IRAK1BP1: variants seen among roughly 807,000 people sequenced by gnomAD.
IRAK1BP1 encodes interleukin 1 receptor associated kinase 1 binding protein 1.
In IRAK1BP1, 24 loss-of-function variants were observed where a neutral mutation model predicts 28.0. The ratio of observed to expected loss-of-function variants is 0.86; its 90% confidence interval spans 0.62 to 1.20. The LOEUF (loss-of-function observed/expected upper bound fraction) is 1.20, where lower values mean the gene tolerates loss of function less well. Ranked by LOEUF, IRAK1BP1 falls within the 50% of genes most tolerant of loss-of-function variation. IRAK1BP1 has a pLI of 0.00. For synonymous variants in IRAK1BP1, 131 were observed against 116.3 expected, an observed-to-expected ratio of 1.13 and a Z score of -0.81; for missense variants, 336 against 316.7, an observed-to-expected ratio of 1.06 and a Z score of -0.46.
chr6:78,906,315 C>T (rs1772259559), downstream of IRAK1BP1, among the ~76,000 whole-genome samples: 1 of 151,908 alleles, frequency 6.6e-6, no homozygotes, highest in African/African-American at 2.4e-5. Context: ...AGATTGAGGT[C>T]ACTTTTTCAT....
Position 78,902,855 on chromosome 6 carries a change from C to T in IRAK1BP1, c.*4521C>T, listed in dbSNP as rs1772152541. 5 of 600,526 alleles carry T rather than the reference C, an allele frequency of 8.3e-6. No homozygotes were observed. The South Asian group carries it at 1.0e-4, about 12-fold the overall frequency. 37.2% of individuals were successfully genotyped at this position (600,526 alleles called of 1,614,324 possible). On this transcript the variant is annotated 3_prime_UTR_variant, in exon 4 of 4. Coordinates refer to ENST00000369940, the MANE Select transcript of IRAK1BP1 (RefSeq NM_001010844.4). ...CAGTATCTTACAAGACTGTAGTTCA[C>T]AGTGGGTAATTCAAATCAGACACTG...
intron 4 of IRAK1BP1, chr6:78,938,871 G>A (rs1448948582): frequency 1.3e-5 from 2 of 151,478 alleles, no homozygotes; most frequent in South Asian, 2.1e-4. Flanking sequence ...CATTCTTCAC[G>A]ACAGTTAAAT....
At chr6:78,910,784 C>A (rs975639096) in intron 4 of IRAK1BP1, among the ~76,000 whole-genome samples, 2 of 152,236 alleles carry the variant, frequency 1.3e-5, no homozygotes, top group Non-Finnish European at 2.9e-5. Flanking sequence ...GACACGCACA[C>A]CCTCCCGACC....
intron 4 of IRAK1BP1, among the ~76,000 whole-genome samples, chr6:78,914,671 A>G (rs1026956463): frequency 6.6e-6 from 1 of 152,232 alleles, no homozygotes; most frequent in African/African-American, 2.4e-5. Flanking sequence ...ATTGCTAGAA[A>G]GATTTCCAGT....
chr6:78,975,421 T>A, the IRAK1BP1 span, among the ~76,000 whole-genome samples: 2 of 152,218 alleles, frequency 1.3e-5, no homozygotes, highest in Non-Finnish European at 2.9e-5. Flanking sequence ...AATATCATAC[T>A]GAATGGGCAA....
In IRAK1BP1 at chr6:78,868,005, T is replaced by G. The variant is rs901015090; in HGVS notation, c.315+114T>G. The G allele has an allele frequency of 1.0e-5, 12 of 1,153,164 alleles. No individual in the cohort carries two copies. In the Admixed American group the frequency reaches 1.2e-4, roughly 11 times the overall value. 71.4% of individuals were successfully genotyped at this position (1,153,164 alleles called of 1,614,324 possible). On this transcript the variant is annotated intron_variant, in intron 1 of 3. Coordinates refer to ENST00000369940, the MANE Select transcript of IRAK1BP1 (RefSeq NM_001010844.4). ...GGGAGATGTGGAGGGTCTGGAGCGTTTAGGACGCGTTTGTTGCAAAGGTAC... is the reference window on the plus strand; with the variant it reads ...GGGAGATGTGGAGGGTCTGGAGCGTGTAGGACGCGTTTGTTGCAAAGGTAC...
intron 4 of IRAK1BP1, among the ~76,000 whole-genome samples, chr6:78,908,446 TCAAG>T (rs1202896298): frequency 6.6e-6 from 1 of 152,086 alleles, no homozygotes; most frequent in African/African-American, 2.4e-5. Flanking sequence ...AACACCAGAC[TCAAG>T]TGATCTTCCT....
chr6:78,878,366 G>C (rs1771090217), intron 1 of IRAK1BP1, among the ~76,000 whole-genome samples: 1 of 152,200 alleles, frequency 6.6e-6, no homozygotes, highest in Admixed American at 6.5e-5. Context: ...AGCCTCCGCT[G>C]CTGATACCCA....
chr6:78,949,396 CT>C (rs1181328212), downstream of IRAK1BP1, among the ~76,000 whole-genome samples: 2 of 152,130 alleles, frequency 1.3e-5, no homozygotes, highest in Non-Finnish European at 2.9e-5. Context: ...CCACAATCAG[CT>C]CCTTTTCTCA....
At chr6:78,930,798 G>A (rs1437587146) in intron 4 of IRAK1BP1, among the ~76,000 whole-genome samples, 2 of 151,906 alleles carry the variant, frequency 1.3e-5, no homozygotes, top group African/African-American at 4.8e-5. Flanking sequence ...TGGTTGAGGT[G>A]GTGAGCGCTT....
At chr6:78,897,472 A>G (rs1771931159) in intron 2 of IRAK1BP1, among the ~76,000 whole-genome samples, 1 of 152,170 alleles carries the variant, frequency 6.6e-6, no homozygotes, top group African/African-American at 2.4e-5. Flanking sequence ...CATGATTACT[A>G]CTAATCAGGA....
the IRAK1BP1 span, chr6:78,954,700 TA>T: frequency 1.5e-6 from 1 of 680,934 alleles, no homozygotes; most frequent in South Asian, 2.1e-5. Context: ...AGAACATGTA[TA>T]AAATAATAAA....
At chr6:78,896,740 A>G (rs898087530) in intron 2 of IRAK1BP1, among the ~76,000 whole-genome samples, 16 of 151,830 alleles carry the variant, frequency 1.1e-4, no homozygotes, top group African/African-American at 3.4e-4. Context: ...CAGGAGGATC[A>G]TCTGAACCCA....
At chr6:78,969,245 G>C in the IRAK1BP1 span, among the ~76,000 whole-genome samples, 1 of 152,116 alleles carries the variant, frequency 6.6e-6, no homozygotes, top group South Asian at 2.1e-4. Flanking sequence ...GGACAGACTG[G>C]TATATCAATT....
chr6:78,950,050 G>A (rs1028915448), downstream of IRAK1BP1, among the ~76,000 whole-genome samples: 2 of 151,964 alleles, frequency 1.3e-5, no homozygotes, highest in East Asian at 1.9e-4. Flanking sequence ...TCCTGTGACC[G>A]CACTGACTTT....
At chr6:78,877,704 C>T (rs536760591) in intron 1 of IRAK1BP1, among the ~76,000 whole-genome samples, 38 of 152,320 alleles carry the variant, frequency 2.5e-4, no homozygotes, top group Non-Finnish European at 4.6e-4. Flanking sequence ...TCACCTTACC[C>T]GGGAAGTGCA....
intron 1 of IRAK1BP1, among the ~76,000 whole-genome samples, chr6:78,881,533 G>A (rs1447010559): frequency 3.3e-5 from 5 of 152,082 alleles, no homozygotes; most frequent in African/African-American, 9.7e-5. Flanking sequence ...GAGGAAAAAG[G>A]CATCAAAGAG....
At chr6:78,964,727 G>A in the IRAK1BP1 span, among the ~76,000 whole-genome samples, 1 of 152,090 alleles carries the variant, frequency 6.6e-6, no homozygotes, top group Non-Finnish European at 1.5e-5. Flanking sequence ...ACCTGACCTC[G>A]TGATCCACCT....
chr6:78,955,847 A>AC, the IRAK1BP1 span: 6,070 of 396,406 alleles, frequency 0.015, 72 homozygotes, highest in Non-Finnish European at 0.02. Context: ...TTTAACCCTG[A>AC]CCCCTCCACT....
Sources: gnomAD v4.1 joint callset for allele counts (sites outside exome capture counted in the v4.1 genomes callset) on GRCh38, gnomAD v4.1.1 for gene constraint, MANE v1.5 for transcripts, NCBI Gene and HGNC (gene_info 2026-07-23, HGNC 2026-07-21) for gene names.